The following PINX1 variants were observed in gnomAD, a reference collection of about 807,000 sequenced individuals.
PINX1 encodes PIN2 (TERF1) interacting telomerase inhibitor 1.
In PINX1, 34 loss-of-function variants were observed where a neutral mutation model predicts 25.4. The observed-to-expected ratio is 1.34, with a 90% CI of 1.02 to 1.78. The LOEUF is 1.78. PINX1 is among the 40% of genes most tolerant of loss of function. The probability of loss-of-function intolerance (pLI) is 0.00; values close to 1 mark genes in which losing one functional copy is unlikely to be tolerated. For missense variants in PINX1, 592 were observed against 404.9 expected, an observed-to-expected ratio of 1.46 and a Z score of -3.97; for synonymous variants, 197 against 147.7, an observed-to-expected ratio of 1.33 and a Z score of -2.42.
At position 10,785,633 on chromosome 8, in the gene PINX1, T is replaced by C. The variant is rs78911923; in HGVS notation, c.472-19717A>G. On this transcript the variant is annotated intron_variant, in intron 6 of 6. Coordinates refer to ENST00000314787, the MANE Select transcript of PINX1 (RefSeq NM_017884.6). ...AATAAGCTGGGGTTGAAGCTGTTTT[T>C]TCCTCTAGAACAAAAGTTCTCAAAC... 1.6e-4 allele frequency among the ~76,000 whole-genome samples: 24 copies of C among 152,350 alleles called. No individual in the cohort carries two copies. The East Asian group carries it at 4.6e-3, about 29-fold the overall frequency.
chr8:10,765,070 A>ACG lies in PINX1; in HGVS notation c.*330_*331insCG. On this transcript the variant is annotated 3_prime_UTR_variant, in exon 7 of 7. Transcript: ENST00000314787. ...GAGATAGTGACACACACACACACAC[A>ACG]CAGATGCGCACATGCACACACACGT... 4.0e-6 allele frequency: 1 copy of ACG among 249,774 alleles called. No individual in the cohort carries two copies. Among genetic ancestry groups the ACG allele is most frequent in the Non-Finnish European group, 7.6e-6 (1 of 131,696 alleles). The allele number at this position is 249,774 out of a possible 1,614,324, so 15.5% of individuals were successfully genotyped here.
rs536986654 is a variant in PINX1, at chr8:10,835,075, C to A, written c.20-300G>T. On this transcript the variant is annotated intron_variant, in intron 1 of 6. Coordinates refer to ENST00000314787, the MANE Select transcript of PINX1 (RefSeq NM_017884.6). Reference sequence around the variant, plus strand: ...CTAGAGCTGGGCCTTCCATACTCCGCCATCAGCACAACTGAAAGCACCTGT... The same window carrying A: ...CTAGAGCTGGGCCTTCCATACTCCGACATCAGCACAACTGAAAGCACCTGT... Among the ~76,000 whole-genome samples the A allele has an allele frequency of 4.6e-5, 7 of 152,312 alleles. No individual in the cohort carries two copies. The South Asian group carries it at 1.5e-3, about 32-fold the overall frequency.
chr8:10,822,669 T>G (rs1003331055), intron 5 of PINX1, among the ~76,000 whole-genome samples: 1 of 152,126 alleles, frequency 6.6e-6, no homozygotes, highest in Non-Finnish European at 1.5e-5. Context: ...TACCAAGAAA[T>G]ACACATGGGA....
At chr8:10,832,313 G>C (rs1798248328) in intron 3 of PINX1, among the ~76,000 whole-genome samples, 1 of 152,136 alleles carries the variant, frequency 6.6e-6, no homozygotes, top group African/African-American at 2.4e-5. Flanking sequence ...TTTTATAAGA[G>C]AATGAAGATC....
At chr8:10,771,669 C>T (rs748252700) in intron 6 of PINX1, among the ~76,000 whole-genome samples, 57 of 152,242 alleles carry the variant, frequency 3.7e-4, no homozygotes, top group Non-Finnish European at 7.2e-4. Flanking sequence ...GCTCCCACCA[C>T]CACCCACTGG....
Position 10,839,842 on chromosome 8 carries a change from T to C in PINX1, c.-86A>G, listed in dbSNP as rs147427087. On this transcript the variant is annotated 5_prime_UTR_variant, in exon 1 of 7. Transcript: ENST00000314787. ...TGGAGACTCCAGGAGAATCAGGACG[T>C]GCGTAACTCCCTCGCCGGCGGACTG... The C allele has an allele frequency of 3.0e-6, 4 of 1,321,674 alleles. No individual in the cohort carries two copies. Among genetic ancestry groups the C allele is most frequent in the Non-Finnish European group, 3.2e-6 (3 of 950,570 alleles). 81.9% of individuals were successfully genotyped at this position (1,321,674 alleles called of 1,614,324 possible).
intron 6 of PINX1, among the ~76,000 whole-genome samples, chr8:10,782,822 G>C (rs1801629995): frequency 6.6e-6 from 1 of 152,176 alleles, no homozygotes; most frequent in Non-Finnish European, 1.5e-5. Flanking sequence ...GCAATGCATT[G>C]AAACGTCAAA....
chr8:10,771,374 C>A (rs1801217478), intron 6 of PINX1: 1 of 152,262 alleles, frequency 6.6e-6, no homozygotes, highest in Non-Finnish European at 1.5e-5. Flanking sequence ...GCATCACTTT[C>A]TTGAAGATCA....
At position 10,765,391 on chromosome 8, in the gene PINX1, T is replaced by G; in HGVS notation, c.*10A>C. ...AGCTGAGTGGTCGGAAGGCCCCGGCTGGGAAGGATTCATTTGGAATCTTTC... is the reference window on the plus strand; with the variant it reads ...AGCTGAGTGGTCGGAAGGCCCCGGCGGGGAAGGATTCATTTGGAATCTTTC... On this transcript the variant is annotated 3_prime_UTR_variant, in exon 7 of 7. Coordinates refer to ENST00000314787, the MANE Select transcript of PINX1 (RefSeq NM_017884.6). 6.3e-7 allele frequency: 1 copy of G among 1,584,786 alleles called. No individual in the cohort carries two copies. The highest frequency in any genetic ancestry group is 2.2e-5 in the East Asian group (1 of 44,694).
chr8:10,798,038 GT>G (rs1283707426), intron 6 of PINX1, among the ~76,000 whole-genome samples: 1 of 152,224 alleles, frequency 6.6e-6, no homozygotes, highest in African/African-American at 2.4e-5. Context: ...CTTTTCAGGA[GT>G]AACAGCTACA....
chr8:10,813,156 T>C (rs1797588642), intron 6 of PINX1, among the ~76,000 whole-genome samples: 2 of 152,178 alleles, frequency 1.3e-5, no homozygotes, highest in African/African-American at 4.8e-5. Flanking sequence ...ATTGGCTTGT[T>C]TGTGGGCTTA....
At chr8:10,823,352 T>C (rs1033039392) in intron 5 of PINX1, among the ~76,000 whole-genome samples, 2 of 152,164 alleles carry the variant, frequency 1.3e-5, no homozygotes, top group Non-Finnish European at 2.9e-5. Flanking sequence ...TTACAGTTTA[T>C]GCAACTTTCA....
chr8:10,816,848 C>T (rs942487724), intron 6 of PINX1, among the ~76,000 whole-genome samples: 2 of 152,034 alleles, frequency 1.3e-5, no homozygotes, highest in African/African-American at 4.8e-5. Context: ...TTTAAAAGCC[C>T]ACGTGTGCCA....
chr8:10,838,666 C>G (rs1303321401), intron 1 of PINX1, among the ~76,000 whole-genome samples: 2 of 152,158 alleles, frequency 1.3e-5, no homozygotes, highest in East Asian at 3.8e-4. Context: ...AACCCTGACT[C>G]CTCATTTTTT....
Position 10,825,613 on chromosome 8 carries a change from C to CA in PINX1, c.394+538dup, listed in dbSNP as rs1798013061. Among the ~76,000 whole-genome samples, 6 of 152,290 alleles carry CA rather than the reference C, an allele frequency of 3.9e-5. No individual in the cohort carries two copies. The South Asian group carries it at 8.3e-4, about 21-fold the overall frequency. On this transcript the variant is annotated intron_variant, in intron 5 of 6. Coordinates refer to ENST00000314787, the MANE Select transcript of PINX1 (RefSeq NM_017884.6). ...GGAATAGGAATTCTCACCCAGGTCT[C>CA]AAACGGCTTTTTACCCGACTTGGCA...
At chr8:10,816,796 A>G (rs1384404053) in intron 6 of PINX1, among the ~76,000 whole-genome samples, 3 of 151,462 alleles carry the variant, frequency 2.0e-5, no homozygotes, top group African/African-American at 7.3e-5. Flanking sequence ...GGACTGCTGT[A>G]TTATCGGAGA....
intron 4 of PINX1, among the ~76,000 whole-genome samples, chr8:10,830,430 G>T (rs114868196): frequency 2.6e-5 from 4 of 152,198 alleles, no homozygotes; most frequent in African/African-American, 9.7e-5. Context: ...AAGCAGGACT[G>T]TGTCTTATAC....
intron 6 of PINX1, among the ~76,000 whole-genome samples, chr8:10,801,100 G>C (rs549191378): frequency 3.3e-5 from 5 of 152,288 alleles, no homozygotes; most frequent in African/African-American, 1.2e-4. Flanking sequence ...ATTTTAGGAA[G>C]ACACTGCTGG....
At chr8:10,824,112 T>C (rs6601531) in intron 5 of PINX1, among the ~76,000 whole-genome samples, 8,224 of 152,262 alleles carry the variant, frequency 0.054, 253 homozygotes, top group South Asian at 0.08. Context: ...AAATGGGTCA[T>C]TTCTAATAAA....
Sources: gnomAD v4.1 joint callset for allele counts (sites outside exome capture counted in the v4.1 genomes callset) on GRCh38, gnomAD v4.1.1 for gene constraint, MANE v1.5 for transcripts, NCBI Gene and HGNC (gene_info 2026-07-23, HGNC 2026-07-21) for gene names.